Variants in KIAA1671 observed in about 807,000 individuals in gnomAD.
KIAA1671 encodes the protein KIAA1671, also known as uncharacterized protein KIAA1671.
KIAA1671 carries 52 observed loss-of-function variants against 131.2 expected under a neutral mutation model. The ratio of observed to expected loss-of-function variants is 0.40; its 90% CI spans 0.32 to 0.50. The LOEUF (loss-of-function observed/expected upper bound fraction) is 0.50. KIAA1671 is among the 20% of genes least tolerant of loss of function. The probability of loss-of-function intolerance (pLI) is 0.73; values close to 1 mark genes in which losing one functional copy is unlikely to be tolerated. For synonymous variants in KIAA1671, 1,003 were observed against 961.6 expected (o/e 1.04, Z -0.80); for missense variants, 2,360 against 2,364.2 (o/e 1.00, Z 0.04).
intron 6 of KIAA1671, chr22:25,059,947 C>T (rs1485266860): frequency 3.3e-5 from 5 of 152,152 alleles, no homozygotes; most frequent in Non-Finnish European, 7.4e-5. Flanking sequence ...TCCTAAATGC[C>T]AGGCCTCCTG....
intron 6 of KIAA1671, among the ~76,000 whole-genome samples, chr22:25,097,565 C>A (rs903375915): frequency 2.6e-5 from 4 of 151,988 alleles, no homozygotes; most frequent in African/African-American, 7.3e-5. Context: ...ATGGTGAAAC[C>A]CCGTCTCTAC....
chr22:25,028,583 G>C lies in KIAA1671; in HGVS notation c.584G>C (p.Arg195Pro), dbSNP rs1446354593. 3.9e-6 allele frequency: 4 copies of C among 1,025,568 alleles called. No individual in the cohort carries two copies. The highest frequency in any genetic ancestry group is 2.7e-6 in the Non-Finnish European group (2 of 732,990). The allele number at this position is 1,025,568 out of a possible 1,614,324, so 63.5% of individuals were successfully genotyped here. A position where few individuals can be genotyped will look rare whatever the true frequency, so the allele number is the denominator to read the frequency against. Residue 195 changes from arginine to proline, a missense_variant, in exon 3 of 13, where the codon CGG becomes CCG. Arg to Pro is a moderately radical substitution (Grantham distance 103). Coordinates refer to ENST00000358431, the MANE Select transcript of KIAA1671 (RefSeq NM_001145206.2). ...CAGAAGCCTGCGGGGACCCTTCCCC[G>C]GTCAGCTCCCCTGTCTCAGGACACA... is the stretch of plus-strand genomic sequence containing the variant. ...PTQKPAGTLP[R>P]SAPLSQDTKP...
intron 6 of KIAA1671, among the ~76,000 whole-genome samples, chr22:25,099,221 T>TATA (rs3063217): frequency 0.77 from 116,180 of 151,760 alleles, 45,240 homozygotes; most frequent in African/African-American, 0.9. Context: ...GGTCAGAGCA[T>TATA]ATGTTACCAC....
At chr22:25,005,346 T>A (rs375330477) in intron 1 of KIAA1671, among the ~76,000 whole-genome samples, 2,733 of 111,440 alleles carry the variant, frequency 0.025, 49 homozygotes, top group South Asian at 0.1. Flanking sequence ...AGACTCCATC[T>A]AAAAAAAAAA....
rs1922544058 is a variant in KIAA1671, at chr22:24,970,525, C to T, written c.-208+17753C>T. Among the ~76,000 whole-genome samples, 3 of 152,202 alleles carry T rather than the reference C, an allele frequency of 2.0e-5. 1 individual carries two copies. The highest frequency in any genetic ancestry group is 3.9e-4 in the East Asian group (2 of 5,176). On this transcript the variant is annotated intron_variant, in intron 1 of 12. Coordinates refer to ENST00000358431, the MANE Select transcript of KIAA1671 (RefSeq NM_001145206.2). ...CTATAAAATGAGGCTAATGGTAGGGCTTACCTAATAGGGTAGATGTGCCTT... is the reference window on the plus strand; with the variant it reads ...CTATAAAATGAGGCTAATGGTAGGGTTTACCTAATAGGGTAGATGTGCCTT...
At chr22:25,154,979 C>G (rs1287682090) in intron 6 of KIAA1671, among the ~76,000 whole-genome samples, 1 of 152,206 alleles carries the variant, frequency 6.6e-6, no homozygotes, top group African/African-American at 2.4e-5. Flanking sequence ...TGTCTTGTCA[C>G]ACCCTCCTCA....
intron 1 of KIAA1671, among the ~76,000 whole-genome samples, chr22:24,968,290 G>A (rs760511980): frequency 5.3e-5 from 8 of 152,160 alleles, no homozygotes; most frequent in Non-Finnish European, 8.8e-5. Flanking sequence ...GAGCAGGTGT[G>A]AGCCATCTTC....
At chr22:25,107,469 CTTTTTTTTT>C (rs765558092) in intron 6 of KIAA1671, among the ~76,000 whole-genome samples, 3 of 68,512 alleles carry the variant, frequency 4.4e-5, no homozygotes, top group South Asian at 1.5e-3. Context: ...ATCCATGGCA[CTTTTTTTTT>C]TTTTTTTTTT....
chr22:24,969,961 C>CT (rs1363809606), intron 1 of KIAA1671, among the ~76,000 whole-genome samples: 1 of 152,228 alleles, frequency 6.6e-6, no homozygotes, highest in Non-Finnish European at 1.5e-5. Flanking sequence ...AGAAGACCCC[C>CT]TCCGCCAGGC....
intron 6 of KIAA1671, among the ~76,000 whole-genome samples, chr22:25,097,225 C>G (rs994003868): frequency 6.6e-6 from 1 of 152,180 alleles, no homozygotes; most frequent in Admixed American, 6.5e-5. Flanking sequence ...ATTTTGCACT[C>G]CCACCCTCAG....
chr22:25,082,163 T>C (rs1367758436), intron 6 of KIAA1671, among the ~76,000 whole-genome samples: 5 of 152,058 alleles, frequency 3.3e-5, no homozygotes, highest in African/African-American at 1.2e-4. Flanking sequence ...TGAGACAGAG[T>C]TGATGAGTGT....
In KIAA1671 at chr22:25,185,245, C is replaced by T. The variant is rs1170458465; in HGVS notation, c.5342+126C>T. 6.7e-6 allele frequency: 7 copies of T among 1,047,126 alleles called. No homozygotes were observed. In the East Asian group the frequency reaches 1.7e-4, roughly 25 times the overall value. 64.9% of individuals were successfully genotyped at this position (1,047,126 alleles called of 1,614,324 possible). A position where few individuals can be genotyped will look rare whatever the true frequency, so the allele number is the denominator to read the frequency against. On this transcript the variant is annotated intron_variant, in intron 11 of 12. Coordinates refer to ENST00000358431, the MANE Select transcript of KIAA1671 (RefSeq NM_001145206.2). ...ACAACTTTTTAATTTTCTCTAGCAG[C>T]AGAAGCTTTGTTCATGAGAATTCTC...
intron 6 of KIAA1671, among the ~76,000 whole-genome samples, chr22:25,140,885 G>C (rs928467856): frequency 6.6e-6 from 1 of 152,308 alleles, no homozygotes; most frequent in Admixed American, 6.5e-5. Context: ...TCCAGCTCCT[G>C]GACAGGTCAT....
intron 6 of KIAA1671, among the ~76,000 whole-genome samples, chr22:25,157,917 G>A (rs923694969): frequency 2.0e-4 from 30 of 151,878 alleles, no homozygotes; most frequent in Non-Finnish European, 2.1e-4. Flanking sequence ...CACCTCCCAG[G>A]TTCATGCCTT....
chr22:25,086,346 G>A (rs1378514329), intron 6 of KIAA1671, among the ~76,000 whole-genome samples: 1 of 152,212 alleles, frequency 6.6e-6, no homozygotes, highest in Non-Finnish European at 1.5e-5. Context: ...GTAGGGACAT[G>A]TCTTGCTCAT....
At chr22:25,030,910 T>C (rs112239792) in intron 3 of KIAA1671, among the ~76,000 whole-genome samples, 3 of 152,378 alleles carry the variant, frequency 2.0e-5, no homozygotes, top group African/African-American at 7.2e-5. Flanking sequence ...AAGCCAAAGC[T>C]AGACCACTGG....
In KIAA1671 at chr22:25,028,506, A is replaced by G; in HGVS notation, c.507A>G (p.Leu169=). Residue 169 remains leucine, a synonymous_variant, in exon 3 of 13, where the codon CTA becomes CTG. Transcript: ENST00000358431. ...GTGAGGGGGCGGAGGAGGCCAAGCTAGGTGTGTCCGGCTCCCGGCCTGAGG... is the reference window on the plus strand; with the variant it reads ...GTGAGGGGGCGGAGGAGGCCAAGCTGGGTGTGTCCGGCTCCCGGCCTGAGG... ...AVSEGAEEAK[L]GVSGSRPEVA... 3.9e-6 allele frequency: 6 copies of G among 1,549,476 alleles called. No individual in the cohort carries two copies. Among genetic ancestry groups the G allele is most frequent in the Non-Finnish European group, 5.2e-6 (6 of 1,146,212 alleles).
chr22:24,996,301 C>T (rs1924133583), intron 1 of KIAA1671, among the ~76,000 whole-genome samples: 1 of 151,938 alleles, frequency 6.6e-6, no homozygotes, highest in Non-Finnish European at 1.5e-5. Context: ...TTCTGTGTAT[C>T]TTATAGAGAT....
chr22:25,057,436 A>C (rs1310333861), intron 6 of KIAA1671: 1 of 152,280 alleles, frequency 6.6e-6, no homozygotes, highest in Non-Finnish European at 1.5e-5. Context: ...GGAGTAGGCC[A>C]GCATCCTGGC....
Sources: allele counts gnomAD v4.1 joint callset (sites outside exome capture counted in the v4.1 genomes callset), GRCh38; gene constraint gnomAD v4.1.1; transcripts MANE v1.5; gene names NCBI Gene and HGNC (gene_info 2026-07-23, HGNC 2026-07-21).